Variants in KRT8 observed in about 807,000 individuals in gnomAD.
The protein encoded by KRT8 is keratin, type II cytoskeletal 8.
KRT8 carries 24 observed loss-of-function variants against 43.0 expected under a neutral mutation model. The observed-to-expected ratio is 0.56, with a 90% CI of 0.40 to 0.78. KRT8 has a LOEUF of 0.78. Among genes scored for constraint, KRT8 ranks in the 30% least tolerant of loss-of-function variants. The pLI is 0.00. For missense variants in KRT8, 492 were observed against 638.4 expected (o/e 0.77, Z 2.47); for synonymous variants, 214 against 261.2 (o/e 0.82, Z 1.74).
chr12:52,914,834 G>C (rs896156364), intron 2 of KRT8, among the ~76,000 whole-genome samples: 3 of 152,134 alleles, frequency 2.0e-5, no homozygotes, highest in Non-Finnish European at 2.9e-5. Flanking sequence ...TGTTAGCTTC[G>C]TCCTCGGGCA....
At chr12:52,948,715 C>T (rs1210487321) in intron 2 of KRT8, 1 of 393,120 alleles carries the variant, frequency 2.5e-6, no homozygotes, top group African/African-American at 2.1e-5. Context: ...TGGTCTCGAT[C>T]TCCTGACCTC....
chr12:52,901,923 C>A, exon 2 of KRT8: 5 of 1,611,544 alleles, frequency 3.1e-6, no homozygotes, highest in Non-Finnish European at 4.2e-6. Flanking sequence ...CCAGCTTCAG[C>A]TTCTCCTGGC....
intron 2 of KRT8, among the ~76,000 whole-genome samples, chr12:52,913,462 G>A (rs1941674760): frequency 6.6e-6 from 1 of 152,220 alleles, no homozygotes; most frequent in Non-Finnish European, 1.5e-5. Context: ...GAGGGCAGAG[G>A]TGCATGATGA....
At chr12:52,924,089 C>A (rs1319844982) in intron 2 of KRT8, among the ~76,000 whole-genome samples, 1 of 152,078 alleles carries the variant, frequency 6.6e-6, no homozygotes, top group Non-Finnish European at 1.5e-5. Flanking sequence ...TCAGGTGATC[C>A]GCCTGCCTCA....
intron 2 of KRT8, among the ~76,000 whole-genome samples, chr12:52,936,840 A>G (rs919845388): frequency 2.0e-5 from 3 of 152,106 alleles, no homozygotes. Context: ...TACAGCATCA[A>G]AGCATAATCC....
At chr12:52,913,749 G>C (rs1941679845) in intron 2 of KRT8, among the ~76,000 whole-genome samples, 1 of 152,210 alleles carries the variant, frequency 6.6e-6, no homozygotes, top group Non-Finnish European at 1.5e-5. Flanking sequence ...ACAAGCATGT[G>C]CGTGTACCAC....
chr12:52,932,153 G>A (rs2120700168), intron 2 of KRT8, among the ~76,000 whole-genome samples: 1 of 149,860 alleles, frequency 6.7e-6, no homozygotes, highest in East Asian at 2.0e-4. Context: ...GAGTGCAGTG[G>A]CACGATCTCA....
intron 2 of KRT8, 78 bp downstream of exon 2, chr12:52,901,786 G>A (rs913158245): frequency 9.5e-5 from 93 of 978,688 alleles, no homozygotes; most frequent in Non-Finnish European, 1.4e-4. Context: ...AGAGGGCCAT[G>A]GGGACTTAGT....
At position 52,898,526 on chromosome 12, in the gene KRT8, C is replaced by T; in HGVS notation, c.1203-7G>A. 1 of 1,614,120 alleles carries T rather than the reference C, an allele frequency of 6.2e-7. No homozygotes were observed. Among genetic ancestry groups the T allele is most frequent in the Non-Finnish European group, 8.5e-7 (1 of 1,179,992 alleles). On this transcript the variant is annotated splice_polypyrimidine_tract_variant and splice_region_variant and intron_variant, in intron 6 of 7. Coordinates refer to ENST00000692008, the Ensembl canonical transcript of KRT8. ...CTGCATCCCAGACTCCAGCCTGTAC[C>T]CAGACAAATGGGGTGTCAGGACCAA...
chr12:52,923,061 C>A (rs1466201023), intron 2 of KRT8, among the ~76,000 whole-genome samples: 1 of 152,184 alleles, frequency 6.6e-6, no homozygotes, highest in Non-Finnish European at 1.5e-5. Context: ...AGCTCTCTGC[C>A]CTCCCACTCG....
At chr12:52,940,541 C>T (rs1168688147) in intron 2 of KRT8, among the ~76,000 whole-genome samples, 4 of 150,148 alleles carry the variant, frequency 2.7e-5, no homozygotes, top group Admixed American at 2.0e-4. Context: ...GGACAGAGAA[C>T]AGATCAGTGG....
chr12:52,901,198 C>A, exon 3 of KRT8: 1 of 1,611,792 alleles, frequency 6.2e-7, no homozygotes, highest in Non-Finnish European at 8.5e-7. Context: ...TCTCTGTACG[C>A]TTATTGATCT....
At chr12:52,904,255 G>A (rs1488050820) in intron 1 of KRT8, among the ~76,000 whole-genome samples, 1 of 152,192 alleles carries the variant, frequency 6.6e-6, no homozygotes, top group East Asian at 1.9e-4. Flanking sequence ...CAGGGCGATA[G>A]CTTAAAAGAC....
At chr12:52,918,248 A>C (rs137905149) in intron 2 of KRT8, among the ~76,000 whole-genome samples, 86 of 151,738 alleles carry the variant, frequency 5.7e-4, no homozygotes, top group African/African-American at 2.0e-3. Context: ...GAAGAAGAAG[A>C]AGAAGAAGAA....
intron 2 of KRT8, among the ~76,000 whole-genome samples, chr12:52,933,814 G>C (rs368049270): frequency 6.6e-6 from 1 of 151,516 alleles, no homozygotes. Context: ...TAGTAGAGAC[G>C]GGGTTTCACC....
At chr12:52,921,560 G>T (rs966436314) in intron 2 of KRT8, among the ~76,000 whole-genome samples, 2 of 151,938 alleles carry the variant, frequency 1.3e-5, no homozygotes, top group Non-Finnish European at 2.9e-5. Flanking sequence ...CTTATGCAGT[G>T]CACAGGCCCA....
At chr12:52,897,500 G>C in exon 8 of KRT8, 2 of 1,599,114 alleles carry the variant, frequency 1.3e-6, no homozygotes, top group East Asian at 2.2e-5. Flanking sequence ...TCACAACCAC[G>C]GCCCTGGAGG....
chr12:52,913,644 T>A (rs1183655001), intron 2 of KRT8, among the ~76,000 whole-genome samples: 1 of 142,330 alleles, frequency 7.0e-6, no homozygotes, highest in Non-Finnish European at 1.5e-5. Flanking sequence ...CCTCACACAC[T>A]CTCTCAGGTT....
chr12:52,897,539 C>G (rs758604535), exon 8 of KRT8: 31 of 1,597,596 alleles, frequency 1.9e-5, no homozygotes, highest in South Asian at 5.5e-5. Context: ...AGCTGGAGCC[C>G]GCGCCAGAGC....
Sources: allele counts gnomAD v4.1 joint callset (sites outside exome capture counted in the v4.1 genomes callset), GRCh38; gene constraint gnomAD v4.1.1; transcripts MANE v1.5; gene names NCBI Gene and HGNC (gene_info 2026-07-23, HGNC 2026-07-21).